UBOX5: variants seen among roughly 807,000 people sequenced by gnomAD.
UBOX5 encodes the protein U-box domain containing 5.
UBOX5 carries 28 observed loss-of-function variants against 39.0 expected under a neutral mutation model. That is an observed-to-expected ratio of 0.72 (90% CI 0.53 to 0.98). The LOEUF is 0.98. UBOX5 is among the 50% of genes least tolerant of loss of function. The pLI, the probability that UBOX5 is intolerant of heterozygous loss-of-function variation, is 0.00. For missense variants in UBOX5, 585 were observed against 674.4 expected (o/e 0.87, Z 1.47); for synonymous variants, 283 against 275.5 (o/e 1.03, Z -0.27).
intron 1 of UBOX5, among the ~76,000 whole-genome samples, chr20:3,130,910 T>G (rs1255797421): frequency 6.6e-6 from 1 of 152,146 alleles, no homozygotes; most frequent in Non-Finnish European, 1.5e-5. Flanking sequence ...AGTAAGACAG[T>G]TGCCATCCTC....
At chr20:3,135,557 A>G (rs1199699675) in intron 1 of UBOX5, among the ~76,000 whole-genome samples, 1 of 151,898 alleles carries the variant, frequency 6.6e-6, no homozygotes, top group Non-Finnish European at 1.5e-5. Flanking sequence ...AGGCTGAGGT[A>G]GTGTTTCCCA....
At chr20:3,158,647 T>C (rs1017705239) in intron 1 of UBOX5, among the ~76,000 whole-genome samples, 2 of 152,148 alleles carry the variant, frequency 1.3e-5, no homozygotes, top group South Asian at 2.1e-4. Flanking sequence ...GCTATTTTTT[T>C]GTATTTTTAG....
At chr20:3,114,966 C>A (rs1025139420) in intron 4 of UBOX5, among the ~76,000 whole-genome samples, 7 of 151,636 alleles carry the variant, frequency 4.6e-5, no homozygotes, top group African/African-American at 7.3e-5. Context: ...AAATAAATAA[C>A]AAACAAAAAA....
intron 1 of UBOX5, chr20:3,146,879 C>A (rs774827406): frequency 1.2e-6 from 2 of 1,614,178 alleles, no homozygotes; most frequent in East Asian, 2.2e-5. Flanking sequence ...CTCTACCACA[C>A]GGTAGCCAAG....
chr20:3,119,059 T>C (rs1468219477), intron 3 of UBOX5, among the ~76,000 whole-genome samples: 1 of 152,232 alleles, frequency 6.6e-6, no homozygotes, highest in Non-Finnish European at 1.5e-5. Context: ...TCTCTTAATA[T>C]TATAAATAAG....
At chr20:3,151,714 T>C (rs905710002) in intron 1 of UBOX5, 4 of 152,016 alleles carry the variant, frequency 2.6e-5, no homozygotes, top group Non-Finnish European at 5.9e-5. Context: ...ATAATGTTTT[T>C]CTTTAATATT....
chr20:3,149,631 T>A lies in UBOX5; in HGVS notation c.-42+10135A>T, dbSNP rs899712529. On this transcript the variant is annotated intron_variant, in intron 1 of 4. Coordinates refer to ENST00000217173, the MANE Select transcript of UBOX5 (RefSeq NM_014948.4). The surrounding 1 kb of genome is among the most constrained non-coding windows in gnomAD (Gnocchi z 4.1). ...AAAAGTGAGCAACTCCTTCCATCTC[T>A]TTGATATCAAGGCAAACAGGTCCTA... Among the ~76,000 whole-genome samples, 2 of 152,186 alleles carry A rather than the reference T, an allele frequency of 1.3e-5. No individual in the cohort carries two copies. Among genetic ancestry groups the A allele is most frequent in the Non-Finnish European group, 2.9e-5 (2 of 68,038 alleles).
chr20:3,121,603 C>G lies in UBOX5; in HGVS notation c.1036G>C (p.Ala346Pro). The G allele has an allele frequency of 6.2e-7, 1 of 1,605,822 alleles. No individual in the cohort carries two copies. Among genetic ancestry groups the G allele is most frequent in the South Asian group, 1.1e-5 (1 of 90,102 alleles). Residue 346 changes from alanine to proline, a missense_variant, in exon 3 of 5, where the codon GCA becomes CCA. By Grantham distance (27) the Ala-to-Pro change is conservative (BLOSUM62 -1). Transcript: ENST00000217173. ...SIPGCHLLGR[A>P]QTALAVIPSS... ...GGGATCACTGCCAATGCCGTCTGTG[C>G]TCTCCCAAGCAGGTGGCAGCCAGGG...
intron 1 of UBOX5, chr20:3,148,022 T>G: frequency 4.3e-6 from 7 of 1,614,210 alleles, no homozygotes; most frequent in Non-Finnish European, 5.9e-6. Flanking sequence ...ACTACTCAGA[T>G]GCTGAATGTT....
chr20:3,145,474 C>T (rs1037932875), intron 1 of UBOX5, among the ~76,000 whole-genome samples: 2 of 143,410 alleles, frequency 1.4e-5, no homozygotes, highest in African/African-American at 5.2e-5. Context: ...GGGTCTTGCT[C>T]TGTCATCCAG....
rs150800870 is a variant in UBOX5, at chr20:3,148,896, T to C, written c.-42+10870A>G. 24 of 1,614,104 alleles carry C rather than the reference T, an allele frequency of 1.5e-5. No homozygotes were observed. In the African/African-American group the frequency reaches 2.5e-4, roughly 17 times the overall value. ...CTCCGAGAAGAGAAGGTGCTACATA[T>C]GTTCTTAACTTTTTTGGCAGAATGG... is the stretch of plus-strand genomic sequence containing the variant. On this transcript the variant is annotated intron_variant, in intron 1 of 4. Coordinates refer to ENST00000217173, the MANE Select transcript of UBOX5 (RefSeq NM_014948.4).
At chr20:3,142,788 A>AG (rs1449790787) in intron 1 of UBOX5, among the ~76,000 whole-genome samples, 75 of 150,856 alleles carry the variant, frequency 5.0e-4, no homozygotes, top group South Asian at 1.0e-3. Flanking sequence ...AAAAAAAAAA[A>AG]AAAAGAAAAG....
intron 1 of UBOX5, among the ~76,000 whole-genome samples, chr20:3,154,539 C>T (rs2066664947): frequency 6.6e-6 from 1 of 152,024 alleles, no homozygotes; most frequent in African/African-American, 2.4e-5. Flanking sequence ...AGAAATTAGC[C>T]AAGCCTGGTG....
intron 4 of UBOX5, 102 bp from the exon 5 acceptor site, chr20:3,110,416 T>A: frequency 1.5e-6 from 2 of 1,345,174 alleles, no homozygotes; most frequent in Non-Finnish European, 2.1e-6. Flanking sequence ...CTGCAGCATC[T>A]GGCTTCATCC....
At chr20:3,146,730 C>T in intron 1 of UBOX5, 2 of 1,558,272 alleles carry the variant, frequency 1.3e-6, no homozygotes, top group South Asian at 1.2e-5. Context: ...ACACCTGGTA[C>T]AGTATACACC....
rs2148596787 is a variant in UBOX5 at position 3,124,212 on chromosome 20, A to C, written c.-41-806T>G. On this transcript the variant is annotated intron_variant, in intron 1 of 4. Coordinates refer to ENST00000217173, the MANE Select transcript of UBOX5 (RefSeq NM_014948.4). ...AGACCCTGTCTCAAAGGAAAAAAGA[A>C]AAGCCTCTCCCCTCTCCCCTCTCCC... is the stretch of plus-strand genomic sequence containing the variant. 2.0e-5 allele frequency among the ~76,000 whole-genome samples: 3 copies of C among 152,230 alleles called. No homozygotes were observed. In the East Asian group the frequency reaches 5.8e-4, roughly 29 times the overall value.
chr20:3,158,141 G>A (rs896994887), intron 1 of UBOX5, among the ~76,000 whole-genome samples: 3 of 151,576 alleles, frequency 2.0e-5, no homozygotes, highest in Admixed American at 6.6e-5. Flanking sequence ...TTTGTTTTTT[G>A]TTTTTTTCGT....
At chr20:3,132,626 C>T (rs957763460) in intron 1 of UBOX5, among the ~76,000 whole-genome samples, 1 of 151,792 alleles carries the variant, frequency 6.6e-6, no homozygotes, top group Non-Finnish European at 1.5e-5. Context: ...CGAGACCAGT[C>T]TGGCTAACAT....
rs200804274 is a variant in UBOX5 at position 3,121,988 on chromosome 20, C to G, written c.651G>C (p.Leu217=). The stretch of plus-strand genomic sequence containing the variant: ...GAGCCTGCAGAGCCACATCCTGAGG[C>G]AGGTTCTCTGAGGTGACCAGCAGGA... ...DSILLVTSEN[L]PQDVALQAPA... Residue 217 remains leucine (L), a synonymous_variant, in exon 3 of 5, where the codon CTG becomes CTC. Coordinates refer to ENST00000217173, the MANE Select transcript of UBOX5 (RefSeq NM_014948.4). 280 of 1,614,168 alleles carry G rather than the reference C, an allele frequency of 1.7e-4. 2 individuals are homozygous for G. In the South Asian group the frequency reaches 2.9e-3, roughly 17 times the overall value.
Sources: allele counts gnomAD v4.1 joint callset (sites outside exome capture counted in the v4.1 genomes callset), GRCh38; gene constraint gnomAD v4.1.1; non-coding constraint Gnocchi (gnomAD v3.1); transcripts MANE v1.5; gene names NCBI Gene and HGNC (gene_info 2026-07-23, HGNC 2026-07-21).